Variants in GRIK2 observed in about 807,000 individuals in gnomAD.
GRIK2 encodes glutamate receptor ionotropic, kainate 2.
In GRIK2, 32 loss-of-function variants were observed where a neutral mutation model predicts 100.3. The observed-to-expected ratio is 0.32, with a 90% CI of 0.24 to 0.43. The LOEUF (loss-of-function observed/expected upper bound fraction) is 0.43, where lower values mean the gene tolerates loss of function less well. Ranked by LOEUF, GRIK2 falls within the 20% of genes least tolerant of loss-of-function variation. The probability of loss-of-function intolerance (pLI) is 1.00; values close to 1 mark genes in which losing one functional copy is unlikely to be tolerated. For synonymous variants in GRIK2, 417 were observed against 389.4 expected, an observed-to-expected ratio of 1.07 and a Z score of -0.83; for missense variants, 843 against 1,114.9, an observed-to-expected ratio of 0.76 and a Z score of 3.47.
intron 14 of GRIK2, among the ~76,000 whole-genome samples, chr6:101,960,053 G>GTTTTT (rs781532291): frequency 3.1e-5 from 4 of 131,030 alleles, no homozygotes; most frequent in African/African-American, 1.1e-4. Flanking sequence ...TTAGTGTTTT[G>GTTTTT]TTTTTTTTTT....
chr6:101,987,744 A>C (rs915661854), intron 14 of GRIK2, among the ~76,000 whole-genome samples: 5 of 151,256 alleles, frequency 3.3e-5, no homozygotes, highest in Admixed American at 2.6e-4. Flanking sequence ...TAAACTAGTA[A>C]TTATAGATTT....
intron 4 of GRIK2, among the ~76,000 whole-genome samples, chr6:101,626,860 T>C (rs1210032267): frequency 6.6e-6 from 1 of 152,052 alleles, no homozygotes; most frequent in Non-Finnish European, 1.5e-5. Flanking sequence ...TAAGCATTTT[T>C]TTATTCCTGT....
At chr6:101,585,465 T>C (rs746399065) in intron 2 of GRIK2, among the ~76,000 whole-genome samples, 13 of 152,090 alleles carry the variant, frequency 8.5e-5, no homozygotes, top group Non-Finnish European at 1.9e-4. Context: ...CTTGTAGTAA[T>C]GAGTAATTTA....
rs537085141 is a variant in GRIK2 at position 101,890,743 on chromosome 6, T to G, written c.1748+880T>G. Among the ~76,000 whole-genome samples, 29 of 152,168 alleles carry G rather than the reference T, an allele frequency of 1.9e-4. No homozygotes were observed. The East Asian group carries it at 5.6e-3, about 29-fold the overall frequency. On this transcript the variant is annotated intron_variant, in intron 12 of 16. Transcript: ENST00000369134. The stretch of plus-strand genomic sequence containing the variant: ...ATTTATGCCTACCTCACTATCAAAC[T>G]TTCAACTGATAGATTGTGTCAATAT...
intron 14 of GRIK2, among the ~76,000 whole-genome samples, chr6:101,986,355 T>G (rs539487169): frequency 2.8e-4 from 42 of 152,014 alleles, no homozygotes; most frequent in African/African-American, 9.4e-4. Context: ...AGAGTTATAC[T>G]TCACACTCAG....
At chr6:101,566,529 T>C (rs1291576789) in intron 2 of GRIK2, among the ~76,000 whole-genome samples, 1 of 151,822 alleles carries the variant, frequency 6.6e-6, no homozygotes, top group Non-Finnish European at 1.5e-5. Flanking sequence ...ATAACAATTT[T>C]GAATTTCAAG....
chr6:102,024,587 T>C (rs1427034202), intron 14 of GRIK2, among the ~76,000 whole-genome samples: 1 of 151,312 alleles, frequency 6.6e-6, no homozygotes, highest in Non-Finnish European at 1.5e-5. Flanking sequence ...TTCGCTTCCT[T>C]TCAAGAGGAG....
intron 16 of GRIK2, among the ~76,000 whole-genome samples, chr6:102,058,349 T>C (rs9485589): frequency 0.025 from 3,780 of 151,862 alleles, 154 homozygotes; most frequent in African/African-American, 0.087. Context: ...TATCTATCTA[T>C]TTGTCTATCT....
Position 101,845,313 on chromosome 6 carries a change from C to T in GRIK2, c.1318-13974C>T, listed in dbSNP as rs1324815237. ...GTGTTAGCTACTGTGCCCAGCCTTG[C>T]ATTTGTTTTTACCCATGAGGCCCTG... On this transcript the variant is annotated intron_variant, in intron 10 of 16. Coordinates refer to ENST00000369134, the MANE Select transcript of GRIK2 (RefSeq NM_021956.5). 4.6e-5 allele frequency among the ~76,000 whole-genome samples: 7 copies of T among 152,158 alleles called. No homozygotes were observed. In the South Asian group the frequency reaches 8.3e-4, roughly 18 times the overall value.
rs145380336 is a variant in GRIK2 at position 102,028,873 on chromosome 6, G to T, written c.2086-6468G>T. ...TTGGTTCTCTCAACTGTGTAGGAAA[G>T]AAAAATATTTTAACTATTTCTTATC... is the stretch of plus-strand genomic sequence containing the variant. On this transcript the variant is annotated intron_variant, in intron 14 of 16. Coordinates refer to ENST00000369134, the MANE Select transcript of GRIK2 (RefSeq NM_021956.5). Among the ~76,000 whole-genome samples the T allele has an allele frequency of 1.3e-3, 198 of 151,084 alleles. 1 individual carries two copies. The highest frequency in any genetic ancestry group is 4.4e-3 in the African/African-American group (181 of 41,378).
intron 4 of GRIK2, among the ~76,000 whole-genome samples, chr6:101,632,128 A>T (rs1019356748): frequency 2.0e-5 from 3 of 152,096 alleles, no homozygotes; most frequent in African/African-American, 4.8e-5. Flanking sequence ...AAACACACTC[A>T]GGCATACCAT....
intron 7 of GRIK2, among the ~76,000 whole-genome samples, chr6:101,734,199 G>C (rs1775480005): frequency 6.6e-6 from 1 of 152,100 alleles, no homozygotes; most frequent in Admixed American, 6.6e-5. Context: ...TATAGTACAA[G>C]AAACTGACTC....
chr6:101,858,386 C>CTTTTTT (rs780526806), intron 10 of GRIK2, among the ~76,000 whole-genome samples: 19 of 91,646 alleles, frequency 2.1e-4, no homozygotes, highest in South Asian at 3.9e-4. Flanking sequence ...ATTTTTTTTT[C>CTTTTTT]TTTTTTTTTT....
chr6:101,890,976 C>CATATATATATATATAT (rs61125711), intron 12 of GRIK2, among the ~76,000 whole-genome samples: 4 of 146,748 alleles, frequency 2.7e-5, no homozygotes, highest in Admixed American at 1.4e-4. Flanking sequence ...ATAAAGTGTA[C>CATATATATATATATAT]ATATATATAT....
intron 2 of GRIK2, among the ~76,000 whole-genome samples, chr6:101,547,809 A>G (rs1383098602): frequency 6.6e-6 from 1 of 151,796 alleles, no homozygotes; most frequent in Non-Finnish European, 1.5e-5. Context: ...TAGCAGCATG[A>G]TTTATAATCC....
chr6:101,783,973 A>G (rs932153269), intron 7 of GRIK2, among the ~76,000 whole-genome samples: 2 of 152,246 alleles, frequency 1.3e-5, no homozygotes, highest in African/African-American at 4.8e-5. Context: ...ATGTTTAAAA[A>G]TGGAAGCAGA....
chr6:101,402,776 C>G (rs1775390277), intron 2 of GRIK2, among the ~76,000 whole-genome samples: 1 of 152,196 alleles, frequency 6.6e-6, no homozygotes, highest in African/African-American at 2.4e-5. Flanking sequence ...GCAGGCGTCT[C>G]CAGAGCGCTG....
chr6:102,043,579 G>T (rs2895440), intron 15 of GRIK2, among the ~76,000 whole-genome samples: 1 of 151,794 alleles, frequency 6.6e-6, no homozygotes, highest in African/African-American at 2.4e-5. Context: ...TGTCGCAAAT[G>T]ACAGAATTTC....
chr6:101,451,999 G>T (rs1234618631), intron 2 of GRIK2, among the ~76,000 whole-genome samples: 1 of 151,560 alleles, frequency 6.6e-6, no homozygotes, highest in Non-Finnish European at 1.5e-5. Flanking sequence ...TTTCATTATG[G>T]CTTTAAATAT....
Sources: gnomAD v4.1 joint callset for allele counts (sites outside exome capture counted in the v4.1 genomes callset) on GRCh38, gnomAD v4.1.1 for gene constraint, MANE v1.5 for transcripts, NCBI Gene and HGNC (gene_info 2026-07-23, HGNC 2026-07-21) for gene names.